The following IL1RAPL1 variants were observed in gnomAD, a reference collection of about 807,000 sequenced individuals.
The protein encoded by IL1RAPL1 is interleukin-1 receptor accessory protein-like 1.
In IL1RAPL1, 3 loss-of-function variants were observed where a neutral mutation model predicts 48.4. The ratio of observed to expected loss-of-function variants is 0.06; its 90% CI spans 0.03 to 0.16. The LOEUF is 0.16. IL1RAPL1 is among the 10% of genes least tolerant of loss of function. The pLI, the probability that IL1RAPL1 is intolerant of heterozygous loss-of-function variation, is 1.00. For synonymous variants in IL1RAPL1, 185 were observed against 187.7 expected (o/e 0.99, Z 0.12); for missense variants, 349 against 530.6 (o/e 0.66, Z 3.36).
At chrX:28,786,022 GT>G (rs1936469248) in intron 1 of IL1RAPL1, among the ~76,000 whole-genome samples, 1 of 111,561 alleles carries the variant, frequency 9.0e-6, no homozygotes, top group Non-Finnish European at 1.9e-5. Context: ...GAAATTAAAA[GT>G]TGCATAAAAC....
chrX:29,015,935 G>T (rs1014520080), intron 2 of IL1RAPL1, among the ~76,000 whole-genome samples: 54 of 111,784 alleles, frequency 4.8e-4, no homozygotes, highest in African/African-American at 1.5e-3. Flanking sequence ...GGGGAAAGAG[G>T]TATACATATA....
At chrX:29,903,359 CGTAGA>C (rs1337443662) in intron 6 of IL1RAPL1, among the ~76,000 whole-genome samples, 1 of 111,106 alleles carries the variant, frequency 9.0e-6, no homozygotes, top group Non-Finnish European at 1.9e-5. Flanking sequence ...TTACCATGAC[CGTAGA>C]GTAATTTTAA....
intron 2 of IL1RAPL1, among the ~76,000 whole-genome samples, chrX:29,128,544 A>G (rs1928948294): frequency 8.9e-6 from 1 of 111,782 alleles, no homozygotes; most frequent in Admixed American, 9.5e-5. Context: ...TTATCTTTTC[A>G]GAGAAAACTT....
chrX:29,242,259 A>G (rs1401580759), intron 2 of IL1RAPL1, among the ~76,000 whole-genome samples: 1 of 112,591 alleles, frequency 8.9e-6, no homozygotes, highest in Non-Finnish European at 1.9e-5. Context: ...TACTCAATAT[A>G]GTTTTATTAA....
chrX:29,547,533 C>T (rs1921663653), intron 5 of IL1RAPL1, among the ~76,000 whole-genome samples: 1 of 111,747 alleles, frequency 8.9e-6, no homozygotes. Flanking sequence ...TAGTTCTACA[C>T]TTAAGCTCTT....
intron 5 of IL1RAPL1, among the ~76,000 whole-genome samples, chrX:29,606,980 A>G (rs1046662965): frequency 1.8e-5 from 2 of 111,961 alleles, no homozygotes; most frequent in Admixed American, 1.9e-4. Flanking sequence ...ATATGTTACT[A>G]TATTGGAAAA....
intron 2 of IL1RAPL1, among the ~76,000 whole-genome samples, chrX:28,817,873 T>C (rs1448651054): frequency 9.0e-6 from 1 of 110,746 alleles, no homozygotes; most frequent in Non-Finnish European, 1.9e-5. Flanking sequence ...GGCAAGCTCT[T>C]TTCTGTTTTG....
intron 6 of IL1RAPL1, among the ~76,000 whole-genome samples, chrX:29,877,666 G>A (rs1025223560): frequency 9.0e-6 from 1 of 111,623 alleles, no homozygotes; most frequent in African/African-American, 3.3e-5. Context: ...CTTAGCTCAG[G>A]AACATGATCC....
At chrX:29,715,458 G>T (rs1310458335) in intron 6 of IL1RAPL1, among the ~76,000 whole-genome samples, 1 of 111,588 alleles carries the variant, frequency 9.0e-6, no homozygotes, top group African/African-American at 3.3e-5. Context: ...ATTCCCTGAA[G>T]GCTCTTTGTC....
chrX:28,834,954 G>T (rs1375008863), intron 2 of IL1RAPL1, among the ~76,000 whole-genome samples: 1 of 111,212 alleles, frequency 9.0e-6, no homozygotes, highest in African/African-American at 3.3e-5. Context: ...AGTGTAGAAA[G>T]ATAATCTATG....
intron 6 of IL1RAPL1, among the ~76,000 whole-genome samples, chrX:29,909,295 G>A (rs886505477): frequency 9.0e-6 from 1 of 111,322 alleles, no homozygotes; most frequent in African/African-American, 3.3e-5. Context: ...GCCAGGCATG[G>A]TTACACATGC....
At chrX:29,088,076 G>A (rs1326079374) in intron 2 of IL1RAPL1, among the ~76,000 whole-genome samples, 1 of 111,436 alleles carries the variant, frequency 9.0e-6, no homozygotes, top group East Asian at 2.8e-4. Context: ...CTCCCTACTC[G>A]AGTCTTCCAT....
chrX:28,897,015 T>C (rs1045325029), intron 2 of IL1RAPL1, among the ~76,000 whole-genome samples: 16 of 110,699 alleles, frequency 1.4e-4, no homozygotes, highest in Non-Finnish European at 2.6e-4. Context: ...CGTTTAGGTT[T>C]TAAGTCAGGT....
intron 2 of IL1RAPL1, among the ~76,000 whole-genome samples, chrX:29,193,360 C>T (rs1415656289): frequency 9.0e-6 from 1 of 110,880 alleles, no homozygotes; most frequent in Non-Finnish European, 1.9e-5. Context: ...TCCCATATTA[C>T]CATCTTCTAA....
rs867412129 is a variant in IL1RAPL1, at chrX:29,956,329, A to G, written c.*509A>G. ...AAATGCCAGCATTGCCATTCGGGGG[A>G]AAAAAAAAAAAAAAAAAAAAAGATG... On this transcript the variant is annotated 3_prime_UTR_variant, in exon 11 of 11. Transcript: ENST00000378993. 0.012 allele frequency: 938 copies of G among 80,739 alleles called. 12 individuals are homozygous for G. Among genetic ancestry groups the G allele is most frequent in the African/African-American group, 0.037 (794 of 21,538 alleles). The allele number at this position is 80,739 out of a possible 1,213,427, so 6.7% of individuals were successfully genotyped here. A position where few individuals can be genotyped will look rare whatever the true frequency, so the allele number is the denominator to read the frequency against.
chrX:29,069,665 A>ACACACACACACC, intron 2 of IL1RAPL1, among the ~76,000 whole-genome samples: 1 of 108,167 alleles, frequency 9.2e-6, no homozygotes, highest in Non-Finnish European at 1.9e-5. Flanking sequence ...ACACACACAC[A>ACACACACACACC]CACACCCCTC....
chrX:29,678,843 G>A (rs1926366138), intron 6 of IL1RAPL1, among the ~76,000 whole-genome samples: 1 of 111,038 alleles, frequency 9.0e-6, no homozygotes, highest in Non-Finnish European at 1.9e-5. Context: ...ATGGTCTTGT[G>A]AGAAGATACC....
intron 5 of IL1RAPL1, among the ~76,000 whole-genome samples, chrX:29,596,984 A>T (rs1241726847): frequency 1.8e-5 from 2 of 111,271 alleles, no homozygotes; most frequent in East Asian, 5.6e-4. Flanking sequence ...CTCTATTGAG[A>T]TGATCATGTG....
chrX:29,617,139 G>A (rs1484285649), intron 5 of IL1RAPL1, among the ~76,000 whole-genome samples: 1 of 111,300 alleles, frequency 9.0e-6, no homozygotes, highest in African/African-American at 3.3e-5. Context: ...TGCCAAGATC[G>A]ATTAGTGGGT....
Sources: allele counts gnomAD v4.1 joint callset (sites outside exome capture counted in the v4.1 genomes callset), GRCh38; gene constraint gnomAD v4.1.1; transcripts MANE v1.5; gene names NCBI Gene and HGNC (gene_info 2026-07-23, HGNC 2026-07-21).